DGKE: variants seen among roughly 807,000 people sequenced by gnomAD.
DGKE encodes diacylglycerol kinase epsilon.
A neutral mutation model predicts 70.0 loss-of-function variants in DGKE; 53 were observed. The observed-to-expected ratio is 0.76, with a 90% confidence interval of 0.61 to 0.95. DGKE has a LOEUF of 0.95. DGKE is among the 40% of genes least tolerant of loss of function. The probability of loss-of-function intolerance (pLI) is 0.00; values close to 1 mark genes in which losing one functional copy is unlikely to be tolerated. For synonymous variants in DGKE, 291 were observed against 257.0 expected, an observed-to-expected ratio of 1.13 and a Z score of -1.27; for missense variants, 655 against 706.9, an observed-to-expected ratio of 0.93 and a Z score of 0.83.
Position 56,844,005 on chromosome 17 carries a change from C to T in DGKE, c.465-14C>T. 3 of 1,529,640 alleles carry T rather than the reference C, an allele frequency of 2.0e-6. No individual in the cohort carries two copies. The highest frequency in any genetic ancestry group is 1.3e-5 in the South Asian group (1 of 77,926). 94.8% of individuals were successfully genotyped at this position (1,529,640 alleles called of 1,614,324 possible). Reference sequence around the variant, plus strand: ...GTTTAAAATTAGTTAATGCTTGTTTCTTCCTTCCCTCAGGTGCATTTGGTG... The same window carrying T: ...GTTTAAAATTAGTTAATGCTTGTTTTTTCCTTCCCTCAGGTGCATTTGGTG... On this transcript the variant is annotated splice_polypyrimidine_tract_variant and intron_variant, in intron 2 of 11. Transcript: ENST00000284061.
At position 56,845,814 on chromosome 17, in the gene DGKE, C is replaced by A; in HGVS notation, c.744+5C>A. The stretch of plus-strand genomic sequence containing the variant: ...ATCTTGTTGAATCCAGTCCAGGTAA[C>A]TAAAGAAAAAAACTTTTTATATTAA... On this transcript the variant is annotated splice_donor_5th_base_variant and intron_variant, in intron 4 of 11. Coordinates refer to ENST00000284061, the MANE Select transcript of DGKE (RefSeq NM_003647.3). The A allele has an allele frequency of 6.4e-7, 1 of 1,562,652 alleles. No homozygotes were observed. The highest frequency in any genetic ancestry group is 2.1e-5 in the Admixed American group (1 of 48,098).
intron 7 of DGKE, among the ~76,000 whole-genome samples, chr17:56,853,996 A>T (rs1415483513): frequency 2.6e-5 from 4 of 151,832 alleles, no homozygotes; most frequent in African/African-American, 7.3e-5. Flanking sequence ...AAAAAAAAAA[A>T]ACAGGAAAAT....
chr17:56,859,851 T>G (rs960101019), intron 9 of DGKE, among the ~76,000 whole-genome samples: 2 of 152,142 alleles, frequency 1.3e-5, no homozygotes, highest in African/African-American at 4.8e-5. Flanking sequence ...ATAAACAGTT[T>G]GGGAAAAGAG....
Position 56,848,653 on chromosome 17 carries a change from A to G in DGKE, c.889-43A>G, listed in dbSNP as rs200698246. Reference sequence around the variant, plus strand: ...TTTACAAAATATTATTACCCAGCAAATAGTCTGAGAGAAAAATCTAAAACA... The same window carrying G: ...TTTACAAAATATTATTACCCAGCAAGTAGTCTGAGAGAAAAATCTAAAACA... On this transcript the variant is annotated intron_variant, in intron 5 of 11. Transcript: ENST00000284061. 7.8e-4 allele frequency: 1,239 copies of G among 1,593,630 alleles called. 1 individual carries two copies. The highest frequency in any genetic ancestry group is 9.9e-4 in the Non-Finnish European group (1,151 of 1,166,008).
intron 9 of DGKE, among the ~76,000 whole-genome samples, chr17:56,859,748 T>C (rs1908181482): frequency 6.6e-6 from 1 of 152,218 alleles, no homozygotes; most frequent in East Asian, 1.9e-4. Context: ...TATTCCTTGC[T>C]TGATTCCAAA....
At chr17:56,859,670 A>G (rs1490932392) in intron 9 of DGKE, among the ~76,000 whole-genome samples, 4 of 152,190 alleles carry the variant, frequency 2.6e-5, no homozygotes, top group East Asian at 1.9e-4. Context: ...TGCCCGACTC[A>G]GCCTCCCAAA....
At chr17:56,862,456 A>G in intron 11 of DGKE, 156 bp from the exon 12 acceptor site, 1 of 922,232 alleles carries the variant, frequency 1.1e-6, no homozygotes. Flanking sequence ...ACTTGAAAAA[A>G]GAATTCCTTA....
rs312262695 is a variant in DGKE, at chr17:56,847,995, G to A, written c.818G>A (p.Arg273Gln). Residue 273 changes from arginine to glutamine, a missense_variant, in exon 5 of 12, where the codon CGA becomes CAA. Physicochemically the swap from Arg to Gln is conservative, Grantham distance 43. Coordinates refer to ENST00000284061, the MANE Select transcript of DGKE (RefSeq NM_003647.3). The stretch of plus-strand genomic sequence containing the variant: ...ACTCTTCTCCCATATTATTCAGCTC[G>A]AGTACTTGTTTGTGGAGGGGATGGG... ...LCTLLPYYSA[R>Q]VLVCGGDGTV... is the part of the protein sequence containing the mutation. 13 of 1,609,934 alleles carry A rather than the reference G, an allele frequency of 8.1e-6. No individual in the cohort carries two copies. The highest frequency in any genetic ancestry group is 1.3e-5 in the African/African-American group (1 of 74,728).
At chr17:56,852,858 C>A (rs775852650) in intron 7 of DGKE, among the ~76,000 whole-genome samples, 7 of 152,058 alleles carry the variant, frequency 4.6e-5, no homozygotes, top group Non-Finnish European at 2.9e-5. Context: ...ATCCCTTATC[C>A]AAAAAAATGG....
At chr17:56,848,883 T>C in intron 6 of DGKE, 30 bp downstream of exon 6, 3 of 1,613,712 alleles carry the variant, frequency 1.9e-6, no homozygotes, top group Non-Finnish European at 2.5e-6. Context: ...AAAGTAGATT[T>C]CTTGAGATTT....
chr17:56,837,743 T>C (rs1405547751), intron 2 of DGKE, among the ~76,000 whole-genome samples: 1 of 152,250 alleles, frequency 6.6e-6, no homozygotes, highest in East Asian at 1.9e-4. Flanking sequence ...CTTCCCTGTC[T>C]GCATCTCATT....
rs980910386 is a variant in DGKE, at chr17:56,865,892, G to A, written c.*3101G>A. On this transcript the variant is annotated 3_prime_UTR_variant, in exon 12 of 12. Coordinates refer to ENST00000284061, the MANE Select transcript of DGKE (RefSeq NM_003647.3). ...AGGTTATACTAATTTAATGATTAAT[G>A]TGGACCCAAATACATAATTTGGCCA... 5 of 152,018 alleles carry A rather than the reference G, an allele frequency of 3.3e-5. No homozygotes were observed. The highest frequency in any genetic ancestry group is 2.6e-4 in the Admixed American group (4 of 15,272). 9.4% of individuals were successfully genotyped at this position (152,018 alleles called of 1,614,324 possible).
intron 7 of DGKE, among the ~76,000 whole-genome samples, chr17:56,854,680 C>CA (rs796077920): frequency 1.3e-4 from 19 of 146,862 alleles, no homozygotes; most frequent in South Asian, 8.6e-4. Context: ...GATGGATATG[C>CA]AAAAAAAAAT....
In DGKE at chr17:56,862,661, G is replaced by C. The variant is rs778369845; in HGVS notation, c.1574G>C (p.Trp525Ser). 5.0e-6 allele frequency: 8 copies of C among 1,591,534 alleles called. No homozygotes were observed. The highest frequency in any genetic ancestry group is 1.7e-6 in the Non-Finnish European group (2 of 1,173,760). ...CCAATGCAGGTGGATGGGGAGCCTT[G>C]GGCCCAAGGGCCCTGCACTGTCACC... ...MMPMQVDGEP[W>S]AQGPCTVTIT... Residue 525 changes from tryptophan (W) to serine (S), a missense_variant, in exon 12 of 12, where the codon TGG (tryptophan) becomes TCG (serine). Transcript: ENST00000284061.
intron 2 of DGKE, chr17:56,838,782 C>T (rs1253199181): frequency 6.6e-6 from 1 of 151,762 alleles, no homozygotes; most frequent in Non-Finnish European, 1.5e-5. Flanking sequence ...TGTTCTATAT[C>T]TTGATAAGGG....
chr17:56,836,714 C>T (rs930170704), intron 2 of DGKE, among the ~76,000 whole-genome samples: 1 of 152,146 alleles, frequency 6.6e-6, no homozygotes, highest in African/African-American at 2.4e-5. Flanking sequence ...AGTGTAAACC[C>T]CTAAGTGCTT....
chr17:56,838,999 CAA>C (rs1261627975), intron 2 of DGKE, among the ~76,000 whole-genome samples: 1 of 151,888 alleles, frequency 6.6e-6, no homozygotes, highest in African/African-American at 2.4e-5. Flanking sequence ...AGAAATGTGA[CAA>C]AGCAATTACA....
intron 3 of DGKE, 22 bp downstream of exon 3, chr17:56,844,200 A>C (rs769791319): frequency 7.0e-7 from 1 of 1,423,118 alleles, no homozygotes; most frequent in Non-Finnish European, 9.3e-7. Context: ...TTATTTCTCT[A>C]ATATGATTGA....
At chr17:56,837,462 C>T (rs2144194489) in intron 2 of DGKE, among the ~76,000 whole-genome samples, 1 of 152,282 alleles carries the variant, frequency 6.6e-6, no homozygotes, top group Non-Finnish European at 1.5e-5. Context: ...CAGAGTAACC[C>T]CTTACCCCAT....
Sources: allele counts gnomAD v4.1 joint callset (sites outside exome capture counted in the v4.1 genomes callset), GRCh38; gene constraint gnomAD v4.1.1; transcripts MANE v1.5; gene names NCBI Gene and HGNC (gene_info 2026-07-23, HGNC 2026-07-21).